Variants in FNDC3A observed in about 807,000 individuals in gnomAD.
FNDC3A encodes the protein fibronectin type-III domain-containing protein 3A.
A neutral mutation model predicts 148.9 loss-of-function variants in FNDC3A; 32 were observed. The ratio of observed to expected loss-of-function variants is 0.21; its 90% confidence interval spans 0.16 to 0.29. The LOEUF (loss-of-function observed/expected upper bound fraction) is 0.29, where lower values mean the gene tolerates loss of function less well. Ranked by LOEUF, FNDC3A falls within the 10% of genes least tolerant of loss-of-function variation. FNDC3A has a pLI of 1.00. For missense variants in FNDC3A, 1,191 were observed against 1,452.8 expected (o/e 0.82, Z 2.93); for synonymous variants, 472 against 473.6 (o/e 1.00, Z 0.04).
intron 14 of FNDC3A, among the ~76,000 whole-genome samples, chr13:49,184,790 TGCGGTCCCAATG>T (rs1384706220): frequency 6.6e-6 from 1 of 152,164 alleles, no homozygotes; most frequent in African/African-American, 2.4e-5. Context: ...CCTCCCCCTG[TGCGGTCCCAATG>T]GCCTGTAATT....
intron 2 of FNDC3A, among the ~76,000 whole-genome samples, chr13:49,033,671 T>C (rs989104370): frequency 6.6e-6 from 1 of 152,000 alleles, no homozygotes; most frequent in Non-Finnish European, 1.5e-5. Context: ...CAACAGTAAG[T>C]AAAGTGGGTT....
chr13:49,056,507 A>G (rs1876254924), intron 2 of FNDC3A, among the ~76,000 whole-genome samples: 1 of 152,134 alleles, frequency 6.6e-6, no homozygotes, highest in African/African-American at 2.4e-5. Flanking sequence ...CACTGCAGAA[A>G]AATTCTTGGC....
intron 2 of FNDC3A, among the ~76,000 whole-genome samples, chr13:49,074,910 T>G (rs182954807): frequency 1.3e-5 from 2 of 152,314 alleles, no homozygotes; most frequent in Admixed American, 1.3e-4. Flanking sequence ...CTAATTCAGA[T>G]ATGCTCAACT....
At chr13:49,181,332 C>CA (rs1885291179) in intron 14 of FNDC3A, among the ~76,000 whole-genome samples, 2 of 152,222 alleles carry the variant, frequency 1.3e-5, no homozygotes, top group South Asian at 4.1e-4. Flanking sequence ...TCAAAGTAGT[C>CA]AGCAGGCCAT....
At chr13:49,172,399 C>G (rs1033069255) in intron 11 of FNDC3A, among the ~76,000 whole-genome samples, 1 of 152,060 alleles carries the variant, frequency 6.6e-6, no homozygotes, top group Non-Finnish European at 1.5e-5. Context: ...AACAAATTAC[C>G]CCAAACCTGA....
intron 2 of FNDC3A, among the ~76,000 whole-genome samples, chr13:49,048,420 A>G (rs576599381): frequency 1.3e-5 from 2 of 152,232 alleles, no homozygotes; most frequent in Admixed American, 6.5e-5. Flanking sequence ...AATATTCTAT[A>G]TAGTAATATT....
chr13:49,069,470 C>T (rs951181760), intron 2 of FNDC3A, among the ~76,000 whole-genome samples: 2 of 152,238 alleles, frequency 1.3e-5, no homozygotes, highest in South Asian at 4.1e-4. Context: ...TCTTTTGGTT[C>T]GTTGAACACA....
intron 19 of FNDC3A, among the ~76,000 whole-genome samples, 181 bp from the exon 20 acceptor site, chr13:49,196,696 C>T (rs1393933732): frequency 6.6e-6 from 1 of 152,084 alleles, no homozygotes; most frequent in Non-Finnish European, 1.5e-5. Flanking sequence ...TTTCTCACAC[C>T]TTTACTTTCA....
chr13:49,167,837 G>A (rs181332190), intron 9 of FNDC3A, among the ~76,000 whole-genome samples: 5 of 152,176 alleles, frequency 3.3e-5, no homozygotes, highest in Admixed American at 3.3e-4. Context: ...TTTGGGTTTG[G>A]AATGAATCTG....
At chr13:49,115,104 A>G (rs775637309) in intron 4 of FNDC3A, among the ~76,000 whole-genome samples, 3 of 151,548 alleles carry the variant, frequency 2.0e-5, no homozygotes, top group Non-Finnish European at 4.4e-5. Flanking sequence ...CTTTATTCAT[A>G]CAATGAATCT....
At position 49,159,121 on chromosome 13, in the gene FNDC3A, A is replaced by G. The variant is rs59746195; in HGVS notation, c.978-8123A>G. Reference sequence around the variant, plus strand: ...AATGTGGGCTCTTTTTTGGTTCCATATGAACTTTAAAGTAGTTTTTTCCAA... The same window carrying G: ...AATGTGGGCTCTTTTTTGGTTCCATGTGAACTTTAAAGTAGTTTTTTCCAA... On this transcript the variant is annotated intron_variant, in intron 8 of 25. Transcript: ENST00000492622. Among the ~76,000 whole-genome samples, 132 of 152,322 alleles carry G rather than the reference A, an allele frequency of 8.7e-4. 1 individual carries two copies. The East Asian group carries it at 0.014, about 16-fold the overall frequency.
chr13:49,142,937 A>G (rs1882772434), intron 7 of FNDC3A, among the ~76,000 whole-genome samples: 1 of 152,140 alleles, frequency 6.6e-6, no homozygotes, highest in Non-Finnish European at 1.5e-5. Flanking sequence ...GCATGATTTC[A>G]GCTTGCTGCA....
At chr13:49,054,708 T>C (rs952729328) in intron 2 of FNDC3A, among the ~76,000 whole-genome samples, 2 of 152,230 alleles carry the variant, frequency 1.3e-5, no homozygotes, top group Non-Finnish European at 2.9e-5. Flanking sequence ...GGTGGCCTTA[T>C]TCTCCCAGAG....
intron 1 of FNDC3A, among the ~76,000 whole-genome samples, chr13:48,999,020 A>G (rs1952076128): frequency 6.6e-6 from 1 of 152,218 alleles, no homozygotes; most frequent in Admixed American, 6.5e-5. Flanking sequence ...CCCACTACAG[A>G]TCCAAAGTGC....
intron 2 of FNDC3A, among the ~76,000 whole-genome samples, chr13:49,062,907 A>C (rs1876996138): frequency 6.6e-6 from 1 of 152,138 alleles, no homozygotes; most frequent in Admixed American, 6.5e-5. Context: ...TAAATGAATA[A>C]ATTTCACCTC....
intron 2 of FNDC3A, among the ~76,000 whole-genome samples, chr13:49,029,738 C>CA (rs1873972671): frequency 6.6e-6 from 1 of 152,044 alleles, no homozygotes; most frequent in African/African-American, 2.4e-5. Context: ...AAAAAAGACT[C>CA]AAATGACTAA....
intron 2 of FNDC3A, among the ~76,000 whole-genome samples, chr13:49,069,521 A>G (rs947925275): frequency 3.9e-5 from 6 of 152,086 alleles, no homozygotes; most frequent in Admixed American, 2.0e-4. Context: ...CTTTGCCCTT[A>G]TTCTTCTCTA....
Position 49,006,222 on chromosome 13 carries a change from C to T in FNDC3A, c.32C>T (p.Thr11Ile), listed in dbSNP as rs1952218054. ...GAACATCCACCACTACTGGATACAACTCAGATCTTAAGTAGTGATATTTCT... is the reference window on the plus strand; with the variant it reads ...GAACATCCACCACTACTGGATACAATTCAGATCTTAAGTAGTGATATTTCT... MAEHPPLLDT[T>I]QILSSDISLL... The change falls in exon 2 of 26, where the codon ACT becomes ATT. Residue 11 changes from threonine to isoleucine, a missense_variant. This residue lies in a region of FNDC3A where 426 missense variants were observed against 473.2 expected (regional missense o/e 0.90). Transcript: ENST00000492622. 20 of 1,608,612 alleles carry T rather than the reference C, an allele frequency of 1.2e-5. No homozygotes were observed. The highest frequency in any genetic ancestry group is 1.7e-5 in the Non-Finnish European group (20 of 1,175,780).
intron 2 of FNDC3A, among the ~76,000 whole-genome samples, chr13:49,074,030 G>A (rs1877923416): frequency 6.6e-6 from 1 of 151,664 alleles, no homozygotes; most frequent in African/African-American, 2.4e-5. Flanking sequence ...GTAGTAAAAG[G>A]GTGTTCTCAT....
Sources: gnomAD v4.1 joint callset for allele counts (sites outside exome capture counted in the v4.1 genomes callset) on GRCh38, gnomAD v4.1.1 for gene constraint, gnomAD v4.1.1 regional missense constraint, MANE v1.5 for transcripts, NCBI Gene and HGNC (gene_info 2026-07-23, HGNC 2026-07-21) for gene names.